WDPCP: variants seen among roughly 807,000 people sequenced by gnomAD.
The protein encoded by WDPCP is WD repeat-containing and planar cell polarity effector protein fritz homolog.
In WDPCP, 71 loss-of-function variants were observed where a neutral mutation model predicts 93.1. The observed-to-expected ratio is 0.76, with a 90% CI of 0.63 to 0.93. The LOEUF (loss-of-function observed/expected upper bound fraction) is 0.93. WDPCP is among the 40% of genes least tolerant of loss of function. The pLI is 0.00. For missense variants in WDPCP, 844 were observed against 887.4 expected (o/e 0.95, Z 0.62); for synonymous variants, 315 against 315.0 (o/e 1.00, Z 0.00).
chr2:63,186,963 A>T (rs1012865848), intron 14 of WDPCP, among the ~76,000 whole-genome samples: 11 of 152,070 alleles, frequency 7.2e-5, no homozygotes, highest in African/African-American at 2.2e-4. Flanking sequence ...TGGGCTATTG[A>T]AATCTCCTAC....
intron 2 of WDPCP, among the ~76,000 whole-genome samples, chr2:63,725,168 G>C (rs1206524316): frequency 6.6e-6 from 1 of 152,020 alleles, no homozygotes; most frequent in Non-Finnish European, 1.5e-5. Flanking sequence ...CACAGTACTC[G>C]ATAGATAGTT....
intron 2 of WDPCP, chr2:63,717,551 G>C: frequency 2.0e-6 from 1 of 500,752 alleles, no homozygotes; most frequent in Non-Finnish European, 4.0e-6. Context: ...CTCTGGCCAT[G>C]CAGTCTTCTA....
At chr2:63,672,173 G>A (rs1388193199) in intron 2 of WDPCP, among the ~76,000 whole-genome samples, 1 of 152,158 alleles carries the variant, frequency 6.6e-6, no homozygotes, top group African/African-American at 2.4e-5. Context: ...ATCAAAGAGA[G>A]GAAGCCTATT....
rs577331901 is a variant in WDPCP, at chr2:63,428,770, C to T, written c.825+4975G>A. On this transcript the variant is annotated intron_variant, in intron 9 of 17. Coordinates refer to ENST00000272321, the MANE Select transcript of WDPCP (RefSeq NM_015910.7). The stretch of plus-strand genomic sequence containing the variant: ...TTTTCTACACCAGTAATGTCCAAAT[C>T]AAGATTGCAATCCCATTCACAATAG... Among the ~76,000 whole-genome samples the T allele has an allele frequency of 3.3e-5, 5 of 152,164 alleles. No individual in the cohort carries two copies. The East Asian group carries it at 9.6e-4, about 29-fold the overall frequency.
intron 12 of WDPCP, among the ~76,000 whole-genome samples, chr2:63,371,208 G>A (rs574610313): frequency 1.3e-5 from 2 of 152,162 alleles, no homozygotes; most frequent in Middle Eastern, 6.8e-3. Flanking sequence ...AGTCATGCTT[G>A]ACTTCTCTAT....
chr2:63,572,847 G>A (rs1707633331), intron 1 of WDPCP, among the ~76,000 whole-genome samples: 1 of 151,656 alleles, frequency 6.6e-6, no homozygotes, highest in Non-Finnish European at 1.5e-5. Flanking sequence ...TAATTATTTT[G>A]GAGTGAAAAG....
At chr2:63,307,406 A>G (rs1339157068) in intron 13 of WDPCP, among the ~76,000 whole-genome samples, 1 of 152,210 alleles carries the variant, frequency 6.6e-6, no homozygotes, top group Non-Finnish European at 1.5e-5. Context: ...TTTTATATGG[A>G]ATCAAAAAAG....
chr2:63,781,541 T>C (rs1670392267), intron 2 of WDPCP, among the ~76,000 whole-genome samples: 1 of 152,224 alleles, frequency 6.6e-6, no homozygotes, highest in Admixed American at 6.6e-5. Flanking sequence ...ACAGTCACTA[T>C]GCTAGATTCT....
the WDPCP span, among the ~76,000 whole-genome samples, chr2:63,838,443 G>A: frequency 6.6e-6 from 1 of 152,150 alleles, no homozygotes; most frequent in African/African-American, 2.4e-5. Flanking sequence ...TGTATCATCC[G>A]TGGATGGTCG....
chr2:63,280,291 G>A (rs1559277581), intron 13 of WDPCP, among the ~76,000 whole-genome samples: 1 of 152,160 alleles, frequency 6.6e-6, no homozygotes, highest in Non-Finnish European at 1.5e-5. Context: ...TTACATGGCC[G>A]AGGCAAGAGA....
At chr2:63,304,719 C>T (rs1435668378) in intron 13 of WDPCP, among the ~76,000 whole-genome samples, 1 of 152,094 alleles carries the variant, frequency 6.6e-6, no homozygotes, top group Non-Finnish European at 1.5e-5. Context: ...TTTCATACCC[C>T]AGTGGTGCCT....
At chr2:63,179,604 T>A (rs761724544) in intron 14 of WDPCP, among the ~76,000 whole-genome samples, 1 of 151,916 alleles carries the variant, frequency 6.6e-6, no homozygotes, top group South Asian at 2.1e-4. Context: ...TTGTAGAGCC[T>A]GCAGAACTAT....
intron 3 of WDPCP, among the ~76,000 whole-genome samples, chr2:63,621,666 T>C (rs1181024276): frequency 6.6e-6 from 1 of 152,000 alleles, no homozygotes; most frequent in East Asian, 1.9e-4. Flanking sequence ...ATTCAGGAAA[T>C]ACAGAGAACA....
upstream of WDPCP, chr2:63,593,539 G>A (rs150711860): frequency 1.1e-4 from 54 of 471,036 alleles, no homozygotes; most frequent in African/African-American, 6.4e-4. Flanking sequence ...TCTCAGAGAC[G>A]TGACTCTCAT....
chr2:63,601,033 A>C (rs1385026665), intron 3 of WDPCP, among the ~76,000 whole-genome samples: 1 of 152,214 alleles, frequency 6.6e-6, no homozygotes, highest in Non-Finnish European at 1.5e-5. Flanking sequence ...CTGGTGCCTG[A>C]AACAGTTCTC....
At chr2:63,442,281 T>A (rs143985826) in intron 6 of WDPCP, 1 of 152,294 alleles carries the variant, frequency 6.6e-6, no homozygotes, top group African/African-American at 2.4e-5. Context: ...AAAATAAACA[T>A]GATAGTATCT....
intron 17 of WDPCP, among the ~76,000 whole-genome samples, chr2:63,142,923 T>C (rs62180313): frequency 0.2 from 20,902 of 105,652 alleles, 1,484 homozygotes; most frequent in Middle Eastern, 0.28. Context: ...CACATACATA[T>C]ACACACACAC....
At chr2:63,192,376 G>A (rs1448183123) in intron 14 of WDPCP, among the ~76,000 whole-genome samples, 2 of 152,118 alleles carry the variant, frequency 1.3e-5, no homozygotes, top group Non-Finnish European at 2.9e-5. Context: ...GAGATAAGCT[G>A]GGTGAAAAAA....
At chr2:63,746,962 T>C (rs1669807562) in intron 2 of WDPCP, among the ~76,000 whole-genome samples, 1 of 152,050 alleles carries the variant, frequency 6.6e-6, no homozygotes, top group Admixed American at 6.6e-5. Flanking sequence ...CTCGGGGGCA[T>C]CATGAAACCT....
Sources: gnomAD v4.1 joint callset for allele counts (sites outside exome capture counted in the v4.1 genomes callset) on GRCh38, gnomAD v4.1.1 for gene constraint, MANE v1.5 for transcripts, NCBI Gene and HGNC (gene_info 2026-07-23, HGNC 2026-07-21) for gene names.